Variants in SAP130 observed in about 807,000 individuals in gnomAD.
SAP130 encodes the protein Sin3A associated protein 130, also known as histone deacetylase complex subunit SAP130.
In SAP130, 16 loss-of-function variants were observed where a neutral mutation model predicts 103.2. That is an observed-to-expected ratio of 0.16 (90% CI 0.10 to 0.24). SAP130 has a LOEUF of 0.24. SAP130 is among the 10% of genes least tolerant of loss of function. The pLI is 1.00. For missense variants in SAP130, 990 were observed against 1,359.7 expected, an observed-to-expected ratio of 0.73 and a Z score of 4.28; for synonymous variants, 477 against 497.0, an observed-to-expected ratio of 0.96 and a Z score of 0.53.
Position 127,942,534 on chromosome 2 carries a change from T to C in SAP130, c.2905A>G (p.Asn969Asp), listed in dbSNP as rs1182600693. Residue 969 changes from asparagine (N) to aspartate (D), a missense_variant, in exon 20 of 21, where the codon AAT (asparagine) becomes GAT (aspartate). By Grantham distance (23) the Asn-to-Asp change is conservative. This residue lies in a region of SAP130 where 69 missense variants were observed against 165.7 expected (regional missense o/e 0.42). Coordinates refer to ENST00000643581, the MANE Select transcript of SAP130 (RefSeq NM_001330301.2). This position sits in a 1 kb window ranked among gnomAD's most constrained non-coding sequence, Gnocchi z 4.8. ...CTTTCATAGACATCATGTTCTAGAT[T>C]CGTCTGCAACACACAAAAGGGAGGG... ...LCAAQLLQLTNLEHDVYERLT... is the reference protein window; with the variant it reads ...LCAAQLLQLTDLEHDVYERLT... The C allele has an allele frequency of 6.3e-7, 1 of 1,586,650 alleles. No homozygotes were observed. The highest frequency in any genetic ancestry group is 8.7e-7 in the Non-Finnish European group (1 of 1,154,980).
rs1051444174 is a variant in SAP130, at chr2:128,016,552, A to G, written c.349-5T>C. The stretch of plus-strand genomic sequence containing the variant: ...CATGGTGGGCTTCGGGGGCGGCTGC[A>G]AACAGAAAACCACACAAAACATATC... On this transcript the variant is annotated splice_region_variant and splice_polypyrimidine_tract_variant and intron_variant, in intron 3 of 20. Coordinates refer to ENST00000643581, the MANE Select transcript of SAP130 (RefSeq NM_001330301.2). The G allele has an allele frequency of 6.2e-7, 1 of 1,608,380 alleles. No homozygotes were observed. The highest frequency in any genetic ancestry group is 1.3e-5 in the African/African-American group (1 of 74,736).
At chr2:128,021,666 A>G (rs1331253733) in intron 2 of SAP130, among the ~76,000 whole-genome samples, 2 of 152,240 alleles carry the variant, frequency 1.3e-5, no homozygotes, top group African/African-American at 4.8e-5. Context: ...ACCAAGGAGC[A>G]GAATGGTTGG....
In SAP130 at chr2:127,996,398, T is replaced by C. The variant is rs764395729; in HGVS notation, c.1307A>G (p.His436Arg). 3 of 1,611,212 alleles carry C rather than the reference T, an allele frequency of 1.9e-6. No homozygotes were observed. The South Asian group carries it at 3.3e-5, about 18-fold the overall frequency. ...GGCCACAGGATTGGGAGAGGCCCGA[T>C]GTCCGGAGATGGGAATCAGGCTACT... is the stretch of plus-strand genomic sequence containing the variant. ...ERSSLIPISGHRASPNPVAME... is the reference protein window; with the variant it reads ...ERSSLIPISGRRASPNPVAME... The change falls in exon 11 of 21, where the codon CAT becomes CGT. Residue 436 changes from histidine (H) to arginine (R), a missense_variant. By Grantham distance (29) the His-to-Arg change is conservative. This residue lies in a region of SAP130 where 336 missense variants were observed against 520.1 expected (regional missense o/e 0.65). Coordinates refer to ENST00000643581, the MANE Select transcript of SAP130 (RefSeq NM_001330301.2). This position sits in a 1 kb window ranked among gnomAD's most constrained non-coding sequence, Gnocchi z 4.3.
intron 14 of SAP130, among the ~76,000 whole-genome samples, chr2:127,979,247 T>C (rs1464736300): frequency 1.3e-5 from 2 of 152,184 alleles, no homozygotes; most frequent in Non-Finnish European, 2.9e-5. Flanking sequence ...CAGCAGCCAC[T>C]GGCAGCCAGC....
intron 15 of SAP130, among the ~76,000 whole-genome samples, chr2:127,975,119 C>T (rs548911094): frequency 1.3e-5 from 2 of 151,780 alleles, no homozygotes; most frequent in Admixed American, 6.5e-5. Context: ...CCATCATGAT[C>T]AGTAACCAGT....
Position 127,989,966 on chromosome 2 carries a change from A to T in SAP130, c.1478-100T>A, listed in dbSNP as rs1477151866. The stretch of plus-strand genomic sequence containing the variant: ...AAAAACGGATTTCCTCCACTGTATA[A>T]GATCTAAATCCATGGTTTGAAAAAA... On this transcript the variant is annotated intron_variant, in intron 12 of 20. Transcript: ENST00000643581. The surrounding 1 kb of genome is among the most constrained non-coding windows in gnomAD (Gnocchi z 4.6). The T allele has an allele frequency of 9.5e-7, 1 of 1,054,056 alleles. No individual in the cohort carries two copies. Among genetic ancestry groups the T allele is most frequent in the Non-Finnish European group, 1.4e-6 (1 of 733,968 alleles). 65.3% of individuals were successfully genotyped at this position (1,054,056 alleles called of 1,614,324 possible). A position where few individuals can be genotyped will look rare whatever the true frequency, so the allele number is the denominator to read the frequency against.
At chr2:128,010,993 G>A (rs1684353551) in intron 6 of SAP130, among the ~76,000 whole-genome samples, 1 of 148,158 alleles carries the variant, frequency 6.7e-6, no homozygotes, top group African/African-American at 2.5e-5. Flanking sequence ...CAGTACATGA[G>A]TCCCTCCTGT....
intron 15 of SAP130, 64 bp downstream of exon 15, chr2:127,977,921 A>T (rs1681585253): frequency 3.3e-6 from 4 of 1,202,158 alleles, no homozygotes; most frequent in African/African-American, 3.0e-5. Flanking sequence ...GGAATATTAG[A>T]CTCTCCCCAA....
chr2:128,009,488 C>T (rs1479482411), intron 7 of SAP130, among the ~76,000 whole-genome samples: 1 of 151,912 alleles, frequency 6.6e-6, no homozygotes, highest in Non-Finnish European at 1.5e-5. Context: ...TAATAATAAT[C>T]TACCCAGAAT....
chr2:127,958,592 A>T (rs1680002839), intron 15 of SAP130, among the ~76,000 whole-genome samples: 1 of 151,878 alleles, frequency 6.6e-6, no homozygotes, highest in Non-Finnish European at 1.5e-5. Context: ...CTTTATATGT[A>T]TGCCACACAC....
chr2:127,964,659 A>T (rs1482063792), intron 15 of SAP130, among the ~76,000 whole-genome samples: 2 of 152,050 alleles, frequency 1.3e-5, no homozygotes, highest in African/African-American at 4.8e-5. Flanking sequence ...AAAAAAAAAT[A>T]AAGGAAACAA....
chr2:128,024,129 A>T (rs1685338293), intron 2 of SAP130, among the ~76,000 whole-genome samples: 1 of 152,226 alleles, frequency 6.6e-6, no homozygotes, highest in South Asian at 2.1e-4. Flanking sequence ...AGCAGGAGTC[A>T]TAAGTAGCTT....
At chr2:127,987,039 T>G (rs1244638937) in intron 13 of SAP130, 77 bp from the exon 14 acceptor site, 2 of 1,290,714 alleles carry the variant, frequency 1.5e-6, no homozygotes, top group East Asian at 4.7e-5. Flanking sequence ...ATAAAAATGA[T>G]GAGACCACTA....
intron 15 of SAP130, among the ~76,000 whole-genome samples, chr2:127,959,656 A>G (rs187956154): frequency 6.6e-6 from 1 of 152,384 alleles, no homozygotes. Flanking sequence ...AGTTCCAAAC[A>G]GAAAATCACT....
chr2:127,997,601 T>A (rs753469191), intron 10 of SAP130, among the ~76,000 whole-genome samples: 1 of 152,146 alleles, frequency 6.6e-6, no homozygotes, highest in Non-Finnish European at 1.5e-5. Flanking sequence ...CAAAGAGAAG[T>A]TGGCATGATA....
intron 15 of SAP130, among the ~76,000 whole-genome samples, chr2:127,967,350 T>C (rs558612705): frequency 1.1e-4 from 17 of 152,192 alleles, no homozygotes; most frequent in Non-Finnish European, 2.1e-4. Flanking sequence ...ATAAAGGAGA[T>C]ACTGACAGAA....
At chr2:127,974,331 G>A (rs144369867) in intron 15 of SAP130, among the ~76,000 whole-genome samples, 87 of 152,272 alleles carry the variant, frequency 5.7e-4, no homozygotes, top group Admixed American at 1.1e-3. Flanking sequence ...TCATCTCTAA[G>A]CCATCTTGTA....
Position 127,954,977 on chromosome 2 carries a change from C to T in SAP130, c.2422+9G>A, listed in dbSNP as rs766369163. The T allele has an allele frequency of 2.7e-5, 43 of 1,577,934 alleles. 1 individual carries two copies. In the South Asian group the frequency reaches 4.3e-4, roughly 16 times the overall value. On this transcript the variant is annotated intron_variant, in intron 16 of 20. Coordinates refer to ENST00000643581, the MANE Select transcript of SAP130 (RefSeq NM_001330301.2). Reference sequence around the variant, plus strand: ...TTGCCAATGGAGAGTATTCTATGGACGGACTTACCAGAAACTGGCCTCATG... The same window carrying T: ...TTGCCAATGGAGAGTATTCTATGGATGGACTTACCAGAAACTGGCCTCATG...
intron 1 of SAP130, chr2:128,027,297 C>G (rs1294953054): frequency 8.6e-7 from 1 of 1,161,260 alleles, no homozygotes; most frequent in Non-Finnish European, 1.1e-6. Flanking sequence ...AGTCCTCTTC[C>G]CCCGAACCTG....
Sources: allele counts gnomAD v4.1 joint callset (sites outside exome capture counted in the v4.1 genomes callset), GRCh38; gene constraint gnomAD v4.1.1; regional missense constraint gnomAD v4.1.1; non-coding constraint Gnocchi (gnomAD v3.1); transcripts MANE v1.5; gene names NCBI Gene and HGNC (gene_info 2026-07-23, HGNC 2026-07-21).